The following DIS3L2 variants were observed in gnomAD, a reference collection of about 807,000 sequenced individuals.
DIS3L2 encodes the protein DIS3-like exonuclease 2.
Under a neutral mutation model 97.5 loss-of-function variants are expected in DIS3L2, and 34 were observed. That is an observed-to-expected ratio of 0.35 (90% CI 0.27 to 0.46). DIS3L2 has a LOEUF of 0.46. DIS3L2 is among the 20% of genes least tolerant of loss of function. The pLI, the probability that DIS3L2 is intolerant of heterozygous loss-of-function variation, is 1.00. For missense variants in DIS3L2, 1,038 were observed against 1,146.0 expected (o/e 0.91, Z 1.36); for synonymous variants, 435 against 445.2 (o/e 0.98, Z 0.29).
rs567556708 is a variant in DIS3L2 at position 232,132,832 on chromosome 2, T to C, written c.702+2113T>C. On this transcript the variant is annotated intron_variant, in intron 7 of 20. Transcript: ENST00000325385. ...TCTAGAAGTGGCCCAGAAAGCCTCT[T>C]TGTTTCTGTGGGACTGCGACTCTCG... Among the ~76,000 whole-genome samples the C allele has an allele frequency of 1.4e-4, 21 of 152,182 alleles. 1 individual carries two copies. In the South Asian group the frequency reaches 4.4e-3, roughly 32 times the overall value.
At chr2:232,330,617 G>T in intron 15 of DIS3L2, 73 bp from the exon 16 acceptor site, 1 of 1,501,916 alleles carries the variant, frequency 6.7e-7, no homozygotes. Context: ...GAGGTGCTCA[G>T]CGGATGACAG....
chr2:232,314,121 C>T (rs1695207908), intron 14 of DIS3L2, among the ~76,000 whole-genome samples: 2 of 152,230 alleles, frequency 1.3e-5, no homozygotes, highest in African/African-American at 4.8e-5. Flanking sequence ...GCCCTCTGGG[C>T]CTGCCTGTGG....
In DIS3L2 at chr2:232,240,396, CAG is replaced by C. The variant is rs545501456; in HGVS notation, c.1317+1754_1317+1755del. Among the ~76,000 whole-genome samples the C allele has an allele frequency of 3.2e-3, 488 of 152,302 alleles. 12 individuals carry two copies. The highest frequency in any genetic ancestry group is 0.017 in the Middle Eastern group (5 of 294). Reference sequence around the variant, plus strand: ...GAATAGAGAGGAAGACAGAGTTGATCAGAGCCAGGAAATTCTGAGTCAGAAGC... The same window carrying C: ...GAATAGAGAGGAAGACAGAGTTGATCAGCCAGGAAATTCTGAGTCAGAAGC... On this transcript the variant is annotated intron_variant, in intron 11 of 20. Transcript: ENST00000325385.
At chr2:232,182,701 G>C (rs1691325982) in intron 9 of DIS3L2, among the ~76,000 whole-genome samples, 1 of 151,958 alleles carries the variant, frequency 6.6e-6, no homozygotes, top group Non-Finnish European at 1.5e-5. Context: ...TTTTTGCCTT[G>C]AATTCTATTT....
rs190841911 is a variant in DIS3L2, at chr2:232,249,933, G to A, written c.1425+587G>A. Among the ~76,000 whole-genome samples, 20 of 152,354 alleles carry A rather than the reference G, an allele frequency of 1.3e-4. No homozygotes were observed. The East Asian group carries it at 3.9e-3, about 29-fold the overall frequency. Reference sequence around the variant, plus strand: ...CAAGGCACAAGGTGGTGAAACCACAGACCAAGAACAGAGGAGAGAAGGATG... The same window carrying A: ...CAAGGCACAAGGTGGTGAAACCACAAACCAAGAACAGAGGAGAGAAGGATG... On this transcript the variant is annotated intron_variant, in intron 12 of 20. Transcript: ENST00000325385.
chr2:232,267,938 T>C (rs1194905460), intron 13 of DIS3L2, among the ~76,000 whole-genome samples: 2 of 135,554 alleles, frequency 1.5e-5, no homozygotes, highest in Non-Finnish European at 3.1e-5. Context: ...TGAAAGTGTC[T>C]TGGGAATATT....
Position 232,130,533 on chromosome 2 carries a change from A to G in DIS3L2, c.602-86A>G, listed in dbSNP as rs150738622. On this transcript the variant is annotated intron_variant, in intron 6 of 20. Transcript: ENST00000325385. ...AGTTTGGGGTAACTGGTATCCAGGC[A>G]TCTTTCTAGATTGAATTTTAAAATC... 3.8e-4 allele frequency: 563 copies of G among 1,478,266 alleles called. 4 individuals are homozygous for G. In the African/African-American group the frequency reaches 6.7e-3, roughly 17 times the overall value. 91.6% of individuals were successfully genotyped at this position (1,478,266 alleles called of 1,614,324 possible). A position where few individuals can be genotyped will look rare whatever the true frequency, so the allele number is the denominator to read the frequency against.
At chr2:232,051,954 G>A (rs116114487) in intron 5 of DIS3L2, among the ~76,000 whole-genome samples, 37 of 150,552 alleles carry the variant, frequency 2.5e-4, no homozygotes, top group African/African-American at 9.0e-4. Flanking sequence ...TGGATATATT[G>A]TTTATAAATG....
intron 6 of DIS3L2, among the ~76,000 whole-genome samples, chr2:232,129,594 C>G (rs896039209): frequency 2.0e-5 from 3 of 152,200 alleles, no homozygotes; most frequent in Non-Finnish European, 4.4e-5. Flanking sequence ...GATGGAAAAG[C>G]AAACAGTTGA....
chr2:232,001,554 T>C (rs1322685874), intron 1 of DIS3L2, among the ~76,000 whole-genome samples: 3 of 125,796 alleles, frequency 2.4e-5, no homozygotes, highest in Non-Finnish European at 3.2e-5. Context: ...GAATGCCATT[T>C]GTCTTTTTTT....
intron 14 of DIS3L2, among the ~76,000 whole-genome samples, chr2:232,313,857 C>A (rs1257220461): frequency 6.6e-6 from 1 of 152,166 alleles, no homozygotes; most frequent in Non-Finnish European, 1.5e-5. Context: ...GGCAGCAGGC[C>A]AAGAGAGGGC....
chr2:232,136,495 A>C lies in DIS3L2; in HGVS notation c.726A>C (p.Lys242Asn), dbSNP rs1229972162. ...AGGTGGTTTACATCTTGGAGAAAAA[A>C]CATTCTCGAGCAGCAACCGGCTTCC... Reference protein sequence around the residue: ...SAKVVYILEKKHSRAATGFLK... With the variant: ...SAKVVYILEKNHSRAATGFLK... The change falls in exon 8 of 21, where the codon AAA becomes AAC. Residue 242 changes from lysine to asparagine, a missense_variant. Coordinates refer to ENST00000325385, the MANE Select transcript of DIS3L2 (RefSeq NM_152383.5). The C allele has an allele frequency of 6.2e-7, 1 of 1,613,984 alleles. No individual in the cohort carries two copies. The highest frequency in any genetic ancestry group is 1.1e-5 in the South Asian group (1 of 91,062).
intron 13 of DIS3L2, among the ~76,000 whole-genome samples, chr2:232,280,475 C>T (rs547846132): frequency 3.3e-5 from 5 of 152,200 alleles, no homozygotes; most frequent in African/African-American, 7.2e-5. Context: ...AGGACTTTGC[C>T]GATTACATGT....
At chr2:232,205,662 A>AC (rs1277123461) in intron 9 of DIS3L2, among the ~76,000 whole-genome samples, 1 of 152,176 alleles carries the variant, frequency 6.6e-6, no homozygotes, top group African/African-American at 2.4e-5. Context: ...AAAATTAGGC[A>AC]CAGCCAGGAT....
At chr2:232,243,066 G>T (rs190360176) in intron 11 of DIS3L2, among the ~76,000 whole-genome samples, 15 of 152,330 alleles carry the variant, frequency 9.8e-5, no homozygotes, top group African/African-American at 3.6e-4. Context: ...TGCCCCAAAG[G>T]TGAGGAGGTG....
At chr2:232,321,342 C>T (rs2106339699) in intron 14 of DIS3L2, among the ~76,000 whole-genome samples, 1 of 152,246 alleles carries the variant, frequency 6.6e-6, no homozygotes, top group Middle Eastern at 3.4e-3. Context: ...ATGGGGGATG[C>T]CTGGATGCAT....
intron 6 of DIS3L2, among the ~76,000 whole-genome samples, chr2:232,105,767 A>G (rs1697340760): frequency 6.6e-6 from 1 of 152,228 alleles, no homozygotes; most frequent in Non-Finnish European, 1.5e-5. Flanking sequence ...TCATCCTGTT[A>G]TCTGGAAACA....
intron 5 of DIS3L2, among the ~76,000 whole-genome samples, chr2:232,030,366 C>G (rs921588071): frequency 2.6e-5 from 4 of 152,082 alleles, no homozygotes; most frequent in Admixed American, 6.6e-5. Context: ...TACTGAGGGC[C>G]CATTCAAACT....
At chr2:232,052,017 C>G (rs1695422897) in intron 5 of DIS3L2, among the ~76,000 whole-genome samples, 2 of 151,032 alleles carry the variant, frequency 1.3e-5, no homozygotes, top group Admixed American at 6.6e-5. Context: ...GATTTGTTTT[C>G]ATCTTAATTT....
Sources: gnomAD v4.1 joint callset for allele counts (sites outside exome capture counted in the v4.1 genomes callset) on GRCh38, gnomAD v4.1.1 for gene constraint, MANE v1.5 for transcripts, NCBI Gene and HGNC (gene_info 2026-07-23, HGNC 2026-07-21) for gene names.